Variants in KCNAB2 observed in about 807,000 individuals in gnomAD.
KCNAB2 encodes the protein voltage-gated potassium channel subunit beta-2.
In KCNAB2, 29 loss-of-function variants were observed where a neutral mutation model predicts 63.6. That is an observed-to-expected ratio of 0.46 (90% CI 0.34 to 0.62). The LOEUF is 0.62. KCNAB2 is among the 20% of genes least tolerant of loss of function. The pLI, the probability that KCNAB2 is intolerant of heterozygous loss-of-function variation, is 0.01. For missense variants in KCNAB2, 359 were observed against 563.9 expected (o/e 0.64, Z 3.68); for synonymous variants, 222 against 224.2 (o/e 0.99, Z 0.09).
intron 2 of KCNAB2, among the ~76,000 whole-genome samples, chr1:6,061,893 A>G (rs1353595703): frequency 6.6e-6 from 1 of 152,228 alleles, no homozygotes; most frequent in Non-Finnish European, 1.5e-5. Flanking sequence ...AGGGTAGGTC[A>G]GTAAAATAAG....
chr1:6,042,016 T>C, upstream of KCNAB2: 1 of 707,028 alleles, frequency 1.4e-6, no homozygotes, highest in Non-Finnish European at 2.5e-6. Flanking sequence ...CTCATCACCC[T>C]CTGTGCCTAC....
At chr1:6,005,900 C>G (rs61760767) in intron 1 of KCNAB2, among the ~76,000 whole-genome samples, 6 of 131,108 alleles carry the variant, frequency 4.6e-5, no homozygotes, top group African/African-American at 1.5e-4. Flanking sequence ...TCCACCCTCA[C>G]CCCTCAGCTC....
In KCNAB2 at chr1:6,035,968, G is replaced by C. The variant is rs1660005534; in HGVS notation, c.-53+1174G>C. ...GGGAGCGTGGAGTCCTGGGAGCTGGGGAAGCCGCAGGCAGCACCTCTGTCA... is the reference window on the plus strand; with the variant it reads ...GGGAGCGTGGAGTCCTGGGAGCTGGCGAAGCCGCAGGCAGCACCTCTGTCA... On this transcript the variant is annotated intron_variant, in intron 1 of 15. Coordinates refer to the KCNAB2 transcript ENST00000164247. The surrounding 1 kb of genome is among the most constrained non-coding windows in gnomAD (Gnocchi z 5.0). The C allele has an allele frequency of 6.5e-6, 1 of 152,724 alleles. No homozygotes were observed. The highest frequency in any genetic ancestry group is 1.5e-5 in the Non-Finnish European group (1 of 68,470). The allele number at this position is 152,724 out of a possible 1,614,324, so 9.5% of individuals were successfully genotyped here.
At chr1:6,092,231 C>G (rs528463850) in intron 10 of KCNAB2, among the ~76,000 whole-genome samples, 1 of 152,362 alleles carries the variant, frequency 6.6e-6, no homozygotes, top group Non-Finnish European at 1.5e-5. Flanking sequence ...TGATATCACA[C>G]TTGGGCACAA....
chr1:6,040,633 G>C, exon 2 of KCNAB2: 1 of 1,613,612 alleles, frequency 6.2e-7, no homozygotes. Flanking sequence ...GGCTCCCCCG[G>C]GATGATCTAC....
chr1:6,081,795 C>T (rs1378560622), intron 4 of KCNAB2, among the ~76,000 whole-genome samples: 2 of 152,204 alleles, frequency 1.3e-5, no homozygotes, highest in Non-Finnish European at 1.5e-5. Flanking sequence ...ACCTCATCTT[C>T]GCTAATTACA....
intron 11 of KCNAB2, among the ~76,000 whole-genome samples, chr1:6,094,786 G>A (rs938676487): frequency 6.6e-5 from 10 of 152,226 alleles, no homozygotes; most frequent in Admixed American, 3.3e-4. Context: ...ATTCTAAGGA[G>A]TCCCTGAGAG....
chr1:6,080,526 C>A (rs1664108442), intron 4 of KCNAB2, among the ~76,000 whole-genome samples: 1 of 152,204 alleles, frequency 6.6e-6, no homozygotes, highest in Non-Finnish European at 1.5e-5. Flanking sequence ...CGGCCTCCAC[C>A]CCCGGGCTTC....
rs58159488 is a variant in KCNAB2 at position 6,093,571 on chromosome 1, C to G, written c.647-829C>G. Among the ~76,000 whole-genome samples, 263 of 152,350 alleles carry G rather than the reference C, an allele frequency of 1.7e-3. 1 individual carries two copies. The highest frequency in any genetic ancestry group is 6.2e-3 in the African/African-American group (258 of 41,584). ...GTCTCCGCGATTTCATCCTCAGGGC[C>G]TTAGGAGTCTCCGCCGTCCACGATT... On this transcript the variant is annotated intron_variant, in intron 10 of 15. Transcript: ENST00000378083.
chr1:6,011,884 C>G (rs1006908701), intron 1 of KCNAB2, among the ~76,000 whole-genome samples: 1 of 152,202 alleles, frequency 6.6e-6, no homozygotes, highest in Non-Finnish European at 1.5e-5. Flanking sequence ...CAGAATTGCC[C>G]CCCGGAAGGT....
At chr1:6,046,390 GT>G (rs1660925440) in intron 1 of KCNAB2, among the ~76,000 whole-genome samples, 1 of 152,224 alleles carries the variant, frequency 6.6e-6, no homozygotes, top group African/African-American at 2.4e-5. Context: ...GGATGGGGTG[GT>G]GGGCGGCAGG....
chr1:6,041,732 G>A, upstream of KCNAB2: 3 of 1,074,374 alleles, frequency 2.8e-6, no homozygotes, highest in South Asian at 2.5e-5. Flanking sequence ...GACATTGGTG[G>A]TTCTTTCTGA....
intron 8 of KCNAB2, 42 bp downstream of exon 8, chr1:6,089,093 G>A (rs1664956971): frequency 6.5e-7 from 1 of 1,540,586 alleles, no homozygotes; most frequent in Non-Finnish European, 8.8e-7. Context: ...CATACCTGTG[G>A]GATCATCCTC....
At chr1:6,033,231 G>A (rs1234096663), upstream of KCNAB2, among the ~76,000 whole-genome samples, 16 of 151,856 alleles carry the variant, frequency 1.1e-4, no homozygotes, top group Admixed American at 1.1e-3. Flanking sequence ...GTGCGCATGT[G>A]TGCATGTGGG....
intron 4 of KCNAB2, among the ~76,000 whole-genome samples, chr1:6,081,429 T>TA (rs1390091679): frequency 6.6e-5 from 10 of 152,222 alleles, no homozygotes; most frequent in Non-Finnish European, 1.3e-4. Context: ...TTTAAGGACA[T>TA]AGACTCATCC....
At chr1:5,993,527 C>G (rs1656706314) in intron 1 of KCNAB2, among the ~76,000 whole-genome samples, 1 of 152,198 alleles carries the variant, frequency 6.6e-6, no homozygotes, top group South Asian at 2.1e-4. Flanking sequence ...TGCTGCTGCT[C>G]CCAGGATGCA....
Position 6,015,016 on chromosome 1 carries a change from CTTTTTTTTTT to C in KCNAB2, c.-53+22245_-53+22254del, listed in dbSNP as rs34742623. 5.1e-4 allele frequency among the ~76,000 whole-genome samples: 42 copies of C among 82,812 alleles called. 1 individual carries two copies. The highest frequency in any genetic ancestry group is 1.6e-3 in the African/African-American group (36 of 22,824). The allele number at this position is 82,812 out of a possible 152,430, so 54.3% of individuals were successfully genotyped here. A position where few individuals can be genotyped will look rare whatever the true frequency, so the allele number is the denominator to read the frequency against. ...TTTTATTACAGACGGGGTCACCTTC[CTTTTTTTTTT>C]TTTTTTTTTTTTTTTTGTTTTTTGA... is the stretch of plus-strand genomic sequence containing the variant. On this transcript the variant is annotated intron_variant, in intron 1 of 16. Coordinates refer to the KCNAB2 transcript ENST00000341524.
upstream of KCNAB2, among the ~76,000 whole-genome samples, chr1:6,030,849 TGTGTGTGTATGTATGTGTAG>T (rs1189236819): frequency 0.011 from 1,701 of 151,756 alleles, 26 homozygotes; most frequent in African/African-American, 0.038. Context: ...TGTGTAGGTA[TGTGTGTGTATGTATGTGTAG>T]GTGTGTGTAT....
rs534653782 is a variant in KCNAB2, at chr1:6,064,068, C to T, written c.219-8687C>T. On this transcript the variant is annotated intron_variant, in intron 2 of 15. Coordinates refer to ENST00000378083, the MANE Select transcript of KCNAB2 (RefSeq NM_001199862.2). ...CATTGTGGGATCCGATGTTGCCAGC[C>T]TTTGTGGGATCCGACGGTTTACCAG... is the stretch of plus-strand genomic sequence containing the variant. Among the ~76,000 whole-genome samples the T allele has an allele frequency of 1.6e-4, 25 of 152,296 alleles. No individual in the cohort carries two copies. In the East Asian group the frequency reaches 4.8e-3, roughly 29 times the overall value.
Sources: gnomAD v4.1 joint callset for allele counts (sites outside exome capture counted in the v4.1 genomes callset) on GRCh38, gnomAD v4.1.1 for gene constraint, Gnocchi (gnomAD v3.1) non-coding constraint, MANE v1.5 for transcripts, NCBI Gene and HGNC (gene_info 2026-07-23, HGNC 2026-07-21) for gene names.